The following VSTM2B variants were observed in gnomAD, a reference collection of about 807,000 sequenced individuals.
VSTM2B encodes the protein V-set and transmembrane domain containing 2B, also known as V-set and transmembrane domain-containing protein 2B.
In VSTM2B, 24 loss-of-function variants were observed where a neutral mutation model predicts 24.0. The observed-to-expected ratio is 1.00, with a 90% CI of 0.72 to 1.40. The LOEUF (loss-of-function observed/expected upper bound fraction) is 1.40, where lower values mean the gene tolerates loss of function less well. Among genes scored for constraint, VSTM2B ranks in the 40% most tolerant of loss-of-function variants. The pLI, the probability that VSTM2B is intolerant of heterozygous loss-of-function variation, is 0.00. For missense variants in VSTM2B, 399 were observed against 416.4 expected (o/e 0.96, Z 0.36); for synonymous variants, 226 against 194.4 (o/e 1.16, Z -1.35).
At chr19:29,560,400 A>G (rs1020773167) in intron 4 of VSTM2B, among the ~76,000 whole-genome samples, 8 of 152,202 alleles carry the variant, frequency 5.3e-5, no homozygotes, top group African/African-American at 1.9e-4. Context: ...CCCGCGTCAC[A>G]TAGCAAGCTG....
At chr19:29,548,907 C>G (rs1326945497) in intron 4 of VSTM2B, among the ~76,000 whole-genome samples, 5 of 152,176 alleles carry the variant, frequency 3.3e-5, no homozygotes. Flanking sequence ...CAAAAGGGGC[C>G]CAACTGCGCA....
intron 2 of VSTM2B, 36 bp downstream of exon 2, chr19:29,527,431 G>T: frequency 7.0e-7 from 1 of 1,429,180 alleles, no homozygotes; most frequent in Non-Finnish European, 9.1e-7. Context: ...GCGCGCGCCC[G>T]GCTCGCGCCC....
chr19:29,529,230 C>A, intron 3 of VSTM2B: 1 of 664,340 alleles, frequency 1.5e-6, no homozygotes, highest in Non-Finnish European at 1.9e-6. Flanking sequence ...TAGCAGGTGG[C>A]CAGGGAGCCA....
chr19:29,531,749 GCACTAAGATAT>G (rs1394740408), intron 4 of VSTM2B, among the ~76,000 whole-genome samples: 9 of 152,216 alleles, frequency 5.9e-5, no homozygotes, highest in Non-Finnish European at 8.8e-5. Context: ...TCCACCCTCT[GCACTAAGATAT>G]CACTAGGTGC....
Position 29,528,416 on chromosome 19 carries a change from C to G in VSTM2B, c.268-17C>G. On this transcript the variant is annotated splice_polypyrimidine_tract_variant and intron_variant, in intron 2 of 4. Coordinates refer to ENST00000335523, the MANE Select transcript of VSTM2B (RefSeq NM_001146339.2). Reference sequence around the variant, plus strand: ...GGCCGCGAGCCTCACGTCTCTCTCTCCCTCTTTGCATTTTAGGTAACAAAT... The same window carrying G: ...GGCCGCGAGCCTCACGTCTCTCTCTGCCTCTTTGCATTTTAGGTAACAAAT... The G allele has an allele frequency of 1.3e-6, 2 of 1,551,242 alleles. No individual in the cohort carries two copies. Among genetic ancestry groups the G allele is most frequent in the Non-Finnish European group, 1.7e-6 (2 of 1,146,974 alleles).
chr19:29,526,700 G>T lies in VSTM2B; in HGVS notation c.82+35G>T. 2 of 1,498,810 alleles carry T rather than the reference G, an allele frequency of 1.3e-6. No individual in the cohort carries two copies. Among genetic ancestry groups the T allele is most frequent in the Non-Finnish European group, 8.9e-7 (1 of 1,120,516 alleles). The allele number at this position is 1,498,810 out of a possible 1,614,324, so 92.8% of individuals were successfully genotyped here. A position where few individuals can be genotyped will look rare whatever the true frequency, so the allele number is the denominator to read the frequency against. ...GGAACTTTGCTGCCGCTGTGGACTC[G>T]GGGGGGTCTTTGCTGGGGCCGCCAC... On this transcript the variant is annotated intron_variant, in intron 1 of 4. Coordinates refer to ENST00000335523, the MANE Select transcript of VSTM2B (RefSeq NM_001146339.2). The surrounding 1 kb of genome is among the most constrained non-coding windows in gnomAD (Gnocchi z 4.1).
intron 4 of VSTM2B, among the ~76,000 whole-genome samples, chr19:29,544,813 C>T (rs967778235): frequency 6.6e-6 from 1 of 152,120 alleles, no homozygotes; most frequent in Non-Finnish European, 1.5e-5. Flanking sequence ...GGACCTGGCC[C>T]ATGTCTGGTG....
chr19:29,539,109 TGGG>T (rs1201480457), intron 4 of VSTM2B, among the ~76,000 whole-genome samples: 1 of 152,070 alleles, frequency 6.6e-6, no homozygotes, highest in Non-Finnish European at 1.5e-5. Context: ...CTAGTCTGGT[TGGG>T]GCTGTTTGCC....
At chr19:29,555,415 G>A (rs1259382348) in intron 4 of VSTM2B, among the ~76,000 whole-genome samples, 4 of 152,114 alleles carry the variant, frequency 2.6e-5, no homozygotes, top group African/African-American at 4.8e-5. Context: ...AGTGTTAAGA[G>A]GGAAAATTAT....
chr19:29,537,703 A>ACACCCACCTCCTCTCCCG (rs1969922628), intron 4 of VSTM2B, among the ~76,000 whole-genome samples: 5 of 65,202 alleles, frequency 7.7e-5, no homozygotes, highest in African/African-American at 1.9e-4. Context: ...ACCCGCCCCC[A>ACACCCACCTCCTCTCCCG]CACCCACCTA....
chr19:29,527,302 G>T lies in VSTM2B; in HGVS notation c.174G>T (p.Ser58=), dbSNP rs1366464248. Residue 58 remains serine, a synonymous_variant, in exon 2 of 5, where the codon TCG becomes TCT. Coordinates refer to ENST00000335523, the MANE Select transcript of VSTM2B (RefSeq NM_001146339.2). ...PCAFRASGAT[S]YSLEIQWWYL... ...CGTTCCGGGCCAGCGGAGCCACCTC[G>T]TATTCGCTGGAGATTCAGTGGTGGT... 11 of 1,550,380 alleles carry T rather than the reference G, an allele frequency of 7.1e-6. No homozygotes were observed. The highest frequency in any genetic ancestry group is 9.6e-6 in the Non-Finnish European group (11 of 1,146,830).
chr19:29,530,471 CTT>C lies in VSTM2B; in HGVS notation c.769+183_769+184del, dbSNP rs1268679086. Among the ~76,000 whole-genome samples, 3 of 152,228 alleles carry C rather than the reference CTT, an allele frequency of 2.0e-5. No individual in the cohort carries two copies. In the East Asian group the frequency reaches 5.8e-4, roughly 29 times the overall value. On this transcript the variant is annotated intron_variant, in intron 4 of 4. Transcript: ENST00000335523. ...GGCCTTCTTCCCGCGGTTTCTCTGT[CTT>C]TACTCCTGGCCTCTGGAAGCATTTC...
chr19:29,528,955 G>A (rs1015239797), intron 3 of VSTM2B: 26 of 985,336 alleles, frequency 2.6e-5, no homozygotes, highest in Middle Eastern at 5.2e-4. Flanking sequence ...TGCAGGGGAC[G>A]GGGTAGGGGG....
chr19:29,559,717 T>C lies in VSTM2B; in HGVS notation c.770-4129T>C, dbSNP rs184279415. 2.6e-5 allele frequency among the ~76,000 whole-genome samples: 4 copies of C among 152,272 alleles called. No individual in the cohort carries two copies. In the East Asian group the frequency reaches 7.7e-4, roughly 29 times the overall value. ...AGGAAATCCGCAACCTGAGAAAGAT[T>C]ATTCTCCAGCCCTTTTAAAGAAGAA... On this transcript the variant is annotated intron_variant, in intron 4 of 4. Coordinates refer to ENST00000335523, the MANE Select transcript of VSTM2B (RefSeq NM_001146339.2).
At position 29,563,901 on chromosome 19, in the gene VSTM2B, G is replaced by A. The variant is rs1297861585; in HGVS notation, c.825G>A (p.Leu275=). 3 of 1,552,216 alleles carry A rather than the reference G, an allele frequency of 1.9e-6. No individual in the cohort carries two copies. The highest frequency in any genetic ancestry group is 1.7e-6 in the Non-Finnish European group (2 of 1,147,140). The part of the protein sequence containing the change: ...DPLLSLLLLA[L]HKFLRLLLGH ...TCTTGTCCCTGCTCCTGTTAGCTCTGCATAAGTTCCTGCGCCTGCTCTTGG... is the reference window on the plus strand; with the variant it reads ...TCTTGTCCCTGCTCCTGTTAGCTCTACATAAGTTCCTGCGCCTGCTCTTGG... Residue 275 remains leucine, a synonymous_variant, in exon 5 of 5, where the codon CTG becomes CTA. Transcript: ENST00000335523.
intron 3 of VSTM2B, chr19:29,528,851 C>T: frequency 1.1e-6 from 1 of 950,460 alleles, no homozygotes; most frequent in African/African-American, 1.8e-5. Context: ...TTCCCGCCCC[C>T]TCTGCCCCGC....
chr19:29,545,914 G>A (rs147952242), intron 4 of VSTM2B, among the ~76,000 whole-genome samples: 4 of 152,318 alleles, frequency 2.6e-5, no homozygotes, highest in African/African-American at 4.8e-5. Context: ...GGGCAGCCAC[G>A]TTAGAGTGCT....
intron 4 of VSTM2B, among the ~76,000 whole-genome samples, chr19:29,558,011 C>A (rs760950408): frequency 1.3e-5 from 2 of 152,000 alleles, no homozygotes; most frequent in Non-Finnish European, 2.9e-5. Flanking sequence ...AAGAAAAAAA[C>A]AACCTCATGA....
Position 29,530,029 on chromosome 19 carries a change from G to C in VSTM2B, c.508G>C (p.Gly170Arg), listed in dbSNP as rs770949464. ...AEAVSHIQSS[G>R]PRRHGPASAA... ...GGCCGTGTCCCACATCCAGAGCAGC[G>C]GCCCGCGTCGCCACGGCCCAGCCAG... is the stretch of plus-strand genomic sequence containing the variant. Residue 170 changes from glycine to arginine, a missense_variant, in exon 4 of 5, where the codon GGC becomes CGC. Physicochemically the swap from Gly to Arg is moderately radical, Grantham distance 125 (BLOSUM62 -2). Coordinates refer to ENST00000335523, the MANE Select transcript of VSTM2B (RefSeq NM_001146339.2). 9.1e-6 allele frequency: 14 copies of C among 1,530,058 alleles called. No homozygotes were observed. The South Asian group carries it at 1.6e-4, about 17-fold the overall frequency. 94.8% of individuals were successfully genotyped at this position (1,530,058 alleles called of 1,614,324 possible).
Sources: allele counts gnomAD v4.1 joint callset (sites outside exome capture counted in the v4.1 genomes callset), GRCh38; gene constraint gnomAD v4.1.1; non-coding constraint Gnocchi (gnomAD v3.1); transcripts MANE v1.5; gene names NCBI Gene and HGNC (gene_info 2026-07-23, HGNC 2026-07-21).